The following HSD17B12 variants were observed in gnomAD, a reference collection of about 807,000 sequenced individuals.
The protein encoded by HSD17B12 is very-long-chain 3-oxoacyl-CoA reductase.
Under a neutral mutation model 39.3 loss-of-function variants are expected in HSD17B12, and 32 were observed. The observed-to-expected ratio is 0.81, with a 90% CI of 0.61 to 1.09. The LOEUF is 1.09. Ranked by LOEUF, HSD17B12 falls within the 50% of genes least tolerant of loss-of-function variation. The probability of loss-of-function intolerance (pLI) is 0.00; values close to 1 mark genes in which losing one functional copy is unlikely to be tolerated. For missense variants in HSD17B12, 342 were observed against 382.9 expected, an observed-to-expected ratio of 0.89 and a Z score of 0.89; for synonymous variants, 150 against 146.7, an observed-to-expected ratio of 1.02 and a Z score of -0.16.
intron 1 of HSD17B12, among the ~76,000 whole-genome samples, chr11:43,701,156 C>G (rs531579589): frequency 6.6e-6 from 1 of 152,096 alleles, no homozygotes; most frequent in African/African-American, 2.4e-5. Flanking sequence ...TGTCTATACA[C>G]ATATTCTGCC....
chr11:43,565,710 T>C, the HSD17B12 span, among the ~76,000 whole-genome samples: 1 of 152,370 alleles, frequency 6.6e-6, no homozygotes, highest in African/African-American at 2.4e-5. Context: ...CAATGCATTT[T>C]CCAAATATGT....
At chr11:43,852,670 G>A (rs143616146) in intron 9 of HSD17B12, 43 of 152,130 alleles carry the variant, frequency 2.8e-4, no homozygotes, top group African/African-American at 9.9e-4. Flanking sequence ...TACTCAGTCT[G>A]AGTCGGAGAT....
intron 3 of HSD17B12, among the ~76,000 whole-genome samples, chr11:43,761,074 G>C (rs1950551372): frequency 6.7e-6 from 1 of 150,352 alleles, no homozygotes; most frequent in Non-Finnish European, 1.5e-5. Context: ...ACAAGGCAGT[G>C]AGCTAGTCCC....
intron 1 of HSD17B12, among the ~76,000 whole-genome samples, chr11:43,703,748 A>C (rs891420885): frequency 1.3e-5 from 2 of 152,100 alleles, no homozygotes; most frequent in African/African-American, 4.8e-5. Flanking sequence ...GAATTTCTGC[A>C]GTATCATTTG....
chr11:43,620,580 T>G, the HSD17B12 span, among the ~76,000 whole-genome samples: 103,623 of 152,126 alleles, frequency 0.68, 35,566 homozygotes, highest in East Asian at 0.81. Context: ...TCATGGAAAA[T>G]TACATTCAGA....
upstream of HSD17B12, among the ~76,000 whole-genome samples, chr11:43,679,094 G>A (rs1043335473): frequency 2.6e-4 from 39 of 152,106 alleles, no homozygotes; most frequent in African/African-American, 8.0e-4. Flanking sequence ...ATTTGTTTGT[G>A]TCCTCTTTTA....
chr11:43,680,705 G>A (rs1949733578), upstream of HSD17B12: 2 of 827,512 alleles, frequency 2.4e-6, no homozygotes, highest in Non-Finnish European at 4.0e-6. Context: ...CGGGGTTTAG[G>A]CCCAAAGTGG....
At chr11:43,603,431 G>C in the HSD17B12 span, among the ~76,000 whole-genome samples, 1 of 152,016 alleles carries the variant, frequency 6.6e-6, no homozygotes, top group African/African-American at 2.4e-5. Context: ...CACTTTGCCT[G>C]GTTGAGGTTC....
chr11:43,811,880 A>G (rs1332835822), intron 4 of HSD17B12, among the ~76,000 whole-genome samples: 1 of 152,116 alleles, frequency 6.6e-6, no homozygotes, highest in East Asian at 1.9e-4. Context: ...ACCCACACAC[A>G]CCTGCCCCAC....
At chr11:43,800,636 A>G (rs930166142) in intron 4 of HSD17B12, among the ~76,000 whole-genome samples, 1 of 152,144 alleles carries the variant, frequency 6.6e-6, no homozygotes, top group Non-Finnish European at 1.5e-5. Context: ...CTTTTTCCCC[A>G]TTTCTAGAAT....
intron 1 of HSD17B12, among the ~76,000 whole-genome samples, chr11:43,740,383 C>T (rs1384683604): frequency 6.6e-6 from 1 of 151,938 alleles, no homozygotes. Context: ...TTTTATTGAC[C>T]GTTTACGCTT....
chr11:43,790,525 T>G (rs2135029524), intron 3 of HSD17B12, among the ~76,000 whole-genome samples: 1 of 152,328 alleles, frequency 6.6e-6, no homozygotes. Context: ...CTGAACCCTA[T>G]ATACCTATAT....
intron 3 of HSD17B12, among the ~76,000 whole-genome samples, chr11:43,776,979 A>G (rs1276086816): frequency 1.3e-5 from 2 of 152,172 alleles, no homozygotes; most frequent in Non-Finnish European, 2.9e-5. Flanking sequence ...CTGTTTTGGT[A>G]CCAGTACCAT....
At chr11:43,556,956 G>C in the HSD17B12 span, 1 of 151,810 alleles carries the variant, frequency 6.6e-6, no homozygotes, top group African/African-American at 2.4e-5. Flanking sequence ...GAAGGAGCTC[G>C]CCAAGGTAGG....
At chr11:43,803,630 G>A (rs531882633) in intron 4 of HSD17B12, among the ~76,000 whole-genome samples, 27 of 152,278 alleles carry the variant, frequency 1.8e-4, no homozygotes, top group Admixed American at 1.3e-3. Flanking sequence ...AAATGCTAAA[G>A]CCCTTAGTCA....
At chr11:43,785,479 G>T (rs1950807282) in intron 3 of HSD17B12, among the ~76,000 whole-genome samples, 1 of 152,116 alleles carries the variant, frequency 6.6e-6, no homozygotes, top group Non-Finnish European at 1.5e-5. Flanking sequence ...CAGCTTCCAG[G>T]ATGTGACTAG....
chr11:43,568,074 G>GT, the HSD17B12 span, among the ~76,000 whole-genome samples: 11 of 151,984 alleles, frequency 7.2e-5, no homozygotes, highest in African/African-American at 9.7e-5. Flanking sequence ...AGCCCTGTTT[G>GT]TTTTTTTATT....
rs562468473 is a variant in HSD17B12 at position 43,769,410 on chromosome 11, C to G, written c.283+15289C>G. 2.6e-5 allele frequency among the ~76,000 whole-genome samples: 4 copies of G among 152,210 alleles called. No homozygotes were observed. The East Asian group carries it at 7.7e-4, about 29-fold the overall frequency. ...CTGAAAATATAATGAAATAAGCATC[C>G]ATAGTTGATTCTTAGAGCAATTATG... On this transcript the variant is annotated intron_variant, in intron 3 of 10. Transcript: ENST00000278353.
At chr11:43,571,683 C>G in the HSD17B12 span, among the ~76,000 whole-genome samples, 1 of 152,036 alleles carries the variant, frequency 6.6e-6, no homozygotes, top group Non-Finnish European at 1.5e-5. Context: ...ACTGTTGAGA[C>G]TATTTTGAGT....
Sources: allele counts gnomAD v4.1 joint callset (sites outside exome capture counted in the v4.1 genomes callset), GRCh38; gene constraint gnomAD v4.1.1; transcripts MANE v1.5; gene names NCBI Gene and HGNC (gene_info 2026-07-23, HGNC 2026-07-21).